NFIB: variants seen among roughly 807,000 people sequenced by gnomAD.
The protein encoded by NFIB is nuclear factor I B, also known as nuclear factor 1 B-type.
NFIB carries 11 observed loss-of-function variants against 61.5 expected under a neutral mutation model. The ratio of observed to expected loss-of-function variants is 0.18; its 90% CI spans 0.11 to 0.30. The LOEUF (loss-of-function observed/expected upper bound fraction) is 0.30, where lower values mean the gene tolerates loss of function less well. Among genes scored for constraint, NFIB ranks in the 10% least tolerant of loss-of-function variants. NFIB has a pLI of 1.00. For missense variants in NFIB, 471 were observed against 608.9 expected (o/e 0.77, Z 2.38); for synonymous variants, 260 against 216.5 (o/e 1.20, Z -1.76).
At chr9:14,261,542 G>A (rs1199611626) in intron 2 of NFIB, among the ~76,000 whole-genome samples, 1 of 152,204 alleles carries the variant, frequency 6.6e-6, no homozygotes, top group African/African-American at 2.4e-5. Context: ...AGATTAAGAG[G>A]AGAAATGGCA....
intron 1 of NFIB, among the ~76,000 whole-genome samples, chr9:14,382,394 T>C (rs551832289): frequency 1.3e-5 from 2 of 151,868 alleles, no homozygotes; most frequent in African/African-American, 4.8e-5. Flanking sequence ...AGTCTGTCCA[T>C]TTGTGGTTCT....
At chr9:14,487,655 T>A in the NFIB span, among the ~76,000 whole-genome samples, 57 of 152,314 alleles carry the variant, frequency 3.7e-4, no homozygotes, top group African/African-American at 1.2e-3. Flanking sequence ...CCATCAGGGA[T>A]GTGATTAAAA....
chr9:14,180,971 TC>T (rs1202403484), intron 2 of NFIB, among the ~76,000 whole-genome samples: 2 of 152,314 alleles, frequency 1.3e-5, no homozygotes, highest in African/African-American at 2.4e-5. Flanking sequence ...ACAAGTCTCT[TC>T]CCCCAAACCT....
intron 2 of NFIB, among the ~76,000 whole-genome samples, chr9:14,218,972 T>TCC (rs2131811581): frequency 6.6e-6 from 1 of 152,332 alleles, no homozygotes; most frequent in East Asian, 1.9e-4. Flanking sequence ...TCTCATGGTC[T>TCC]CCTTCTGGCT....
chr9:14,392,826 C>A (rs2061641264), intron 1 of NFIB, among the ~76,000 whole-genome samples: 2 of 152,298 alleles, frequency 1.3e-5, no homozygotes, highest in South Asian at 4.1e-4. Context: ...GCACATAGTA[C>A]ATGCTAATAC....
chr9:14,390,675 G>C (rs184257382), intron 1 of NFIB, among the ~76,000 whole-genome samples: 2 of 152,336 alleles, frequency 1.3e-5, no homozygotes, highest in Admixed American at 1.3e-4. Flanking sequence ...GAGCCCTCAT[G>C]AATGGGATCA....
At chr9:14,315,066 G>GAGC (rs1182989904), upstream of NFIB, among the ~76,000 whole-genome samples, 1 of 152,004 alleles carries the variant, frequency 6.6e-6, no homozygotes, top group African/African-American at 2.4e-5. Flanking sequence ...GGAGCCTGCG[G>GAGC]CTGCCGGGAA....
chr9:14,202,678 C>T (rs910980735), intron 2 of NFIB, among the ~76,000 whole-genome samples: 4 of 152,028 alleles, frequency 2.6e-5, no homozygotes, highest in African/African-American at 7.2e-5. Context: ...TTTAGAAAAA[C>T]GACCCATATG....
chr9:14,113,539 T>G (rs1587298562), intron 9 of NFIB, among the ~76,000 whole-genome samples: 1 of 152,374 alleles, frequency 6.6e-6, no homozygotes, highest in South Asian at 2.1e-4. Flanking sequence ...AAGCAGATGT[T>G]CTTAATGATA....
At chr9:14,100,223 AT>A (rs2035535217) in intron 10 of NFIB, among the ~76,000 whole-genome samples, 1 of 152,116 alleles carries the variant, frequency 6.6e-6, no homozygotes, top group African/African-American at 2.4e-5. Flanking sequence ...TAAATTCTGT[AT>A]TTTTTTCTGA....
chr9:14,140,209 C>G (rs898208653), intron 6 of NFIB, among the ~76,000 whole-genome samples: 1 of 152,160 alleles, frequency 6.6e-6, no homozygotes, highest in Non-Finnish European at 1.5e-5. Context: ...AGTATGGTTA[C>G]TAAGCTGTCT....
chr9:14,241,741 A>G (rs2132044063), intron 2 of NFIB, among the ~76,000 whole-genome samples: 1 of 152,340 alleles, frequency 6.6e-6, no homozygotes, highest in South Asian at 2.1e-4. Flanking sequence ...ATGTTAAAAA[A>G]AAGCAAATTC....
intron 2 of NFIB, among the ~76,000 whole-genome samples, chr9:14,286,828 T>C (rs1303646323): frequency 6.6e-6 from 1 of 151,024 alleles, no homozygotes; most frequent in Non-Finnish European, 1.5e-5. Flanking sequence ...AATGCCATCA[T>C]AAAGGGGCAA....
chr9:14,411,029 C>A, the NFIB span, among the ~76,000 whole-genome samples: 74 of 152,242 alleles, frequency 4.9e-4, no homozygotes, highest in South Asian at 0.015. Context: ...ACAATTGATG[C>A]TTTAAAAAAA....
intron 1 of NFIB, among the ~76,000 whole-genome samples, chr9:14,397,422 T>C (rs1382332667): frequency 6.6e-6 from 1 of 152,220 alleles, no homozygotes; most frequent in African/African-American, 2.4e-5. Flanking sequence ...GCAAATATAA[T>C]AACTAAGTGC....
rs899340549 is a variant in NFIB at position 14,307,712 on chromosome 9, C to T, written c.31-192G>A. ...AAGAAAGTAAAGTATGCCCAGCTGT[C>T]CCCTTTCCACCAAAATTCACAGGTC... On this transcript the variant is annotated intron_variant, in intron 1 of 10. Transcript: ENST00000380953. This position sits in a 1 kb window ranked among gnomAD's most constrained non-coding sequence, Gnocchi z 5.3. 2.6e-5 allele frequency among the ~76,000 whole-genome samples: 4 copies of T among 152,128 alleles called. No homozygotes were observed. Among genetic ancestry groups the T allele is most frequent in the Non-Finnish European group, 4.4e-5 (3 of 68,014 alleles).
chr9:14,339,244 A>G (rs1189506295), intron 1 of NFIB, among the ~76,000 whole-genome samples: 1 of 152,154 alleles, frequency 6.6e-6, no homozygotes, highest in East Asian at 1.9e-4. Flanking sequence ...TATTGTAAGC[A>G]CTCAAAAATG....
At chr9:14,510,964 T>C in the NFIB span, among the ~76,000 whole-genome samples, 2 of 152,236 alleles carry the variant, frequency 1.3e-5, no homozygotes, top group African/African-American at 4.8e-5. Flanking sequence ...TCCTCTTTGA[T>C]GATGCTGCTT....
intron 1 of NFIB, among the ~76,000 whole-genome samples, chr9:14,390,750 A>G (rs886311103): frequency 3.3e-5 from 5 of 152,226 alleles, no homozygotes; most frequent in African/African-American, 1.2e-4. Flanking sequence ...ACACAGTGAG[A>G]AGATGGCCAT....
Sources: gnomAD v4.1 joint callset for allele counts (sites outside exome capture counted in the v4.1 genomes callset) on GRCh38, gnomAD v4.1.1 for gene constraint, Gnocchi (gnomAD v3.1) non-coding constraint, MANE v1.5 for transcripts, NCBI Gene and HGNC (gene_info 2026-07-23, HGNC 2026-07-21) for gene names.